The following FBXO42 variants were observed in gnomAD, a reference collection of about 807,000 sequenced individuals.
The protein encoded by FBXO42 is F-box protein 42.
A neutral mutation model predicts 71.7 loss-of-function variants in FBXO42; 12 were observed. The ratio of observed to expected loss-of-function variants is 0.17; its 90% CI spans 0.11 to 0.27. The LOEUF (loss-of-function observed/expected upper bound fraction) is 0.27. FBXO42 is among the 10% of genes least tolerant of loss of function. FBXO42 has a pLI of 1.00. For synonymous variants in FBXO42, 325 were observed against 327.5 expected (o/e 0.99, Z 0.08); for missense variants, 707 against 911.9 (o/e 0.78, Z 2.89).
At chr1:16,277,638 T>C (rs1452645963) in intron 4 of FBXO42, among the ~76,000 whole-genome samples, 3 of 151,676 alleles carry the variant, frequency 2.0e-5, no homozygotes, top group South Asian at 2.1e-4. Context: ...GGCAGAAGAA[T>C]TGCTTGAATC....
At chr1:16,291,883 G>T (rs2082083214) in intron 4 of FBXO42, among the ~76,000 whole-genome samples, 1 of 152,134 alleles carries the variant, frequency 6.6e-6, no homozygotes, top group Non-Finnish European at 1.5e-5. Context: ...TGTTACCCAG[G>T]CTGGTCTCAA....
chr1:16,348,669 C>T (rs764976183), intron 1 of FBXO42, among the ~76,000 whole-genome samples: 1 of 151,948 alleles, frequency 6.6e-6, no homozygotes, highest in Admixed American at 6.6e-5. Context: ...CCACTGCACT[C>T]CAGCCTAGGC....
chr1:16,249,893 T>C lies in FBXO42; in HGVS notation c.*777A>G, dbSNP rs1413410232. The C allele has an allele frequency of 6.6e-6, 1 of 152,230 alleles. No individual in the cohort carries two copies. The highest frequency in any genetic ancestry group is 1.5e-5 in the Non-Finnish European group (1 of 68,050). The allele number at this position is 152,230 out of a possible 1,614,324, so 9.4% of individuals were successfully genotyped here. ...AAGGGAAGAAAGAGGAGAATAAATA[T>C]GTTTTTTGGCAACTTGCCACCAAAT... is the stretch of plus-strand genomic sequence containing the variant. On this transcript the variant is annotated 3_prime_UTR_variant, in exon 10 of 10. Transcript: ENST00000375592.
intron 1 of FBXO42, among the ~76,000 whole-genome samples, chr1:16,326,038 G>GTGTGTGTGTGTGTGTGTGTC (rs1441951943): frequency 8.2e-5 from 12 of 146,912 alleles, no homozygotes; most frequent in South Asian, 2.1e-4. Flanking sequence ...GTGTGTGTGT[G>GTGTGTGTGTGTGTGTGTGTC]TGTGTGTGTG....
chr1:16,296,448 G>A (rs1057210305), intron 3 of FBXO42, among the ~76,000 whole-genome samples: 4 of 151,720 alleles, frequency 2.6e-5, no homozygotes, highest in African/African-American at 7.3e-5. Context: ...TCAGGAGTTC[G>A]AGACCAGCCT....
intron 3 of FBXO42, among the ~76,000 whole-genome samples, chr1:16,302,434 C>T (rs750564873): frequency 3.3e-5 from 5 of 152,188 alleles, no homozygotes; most frequent in African/African-American, 1.2e-4. Context: ...AGGAAACTTA[C>T]ATTTATGGTA....
At chr1:16,261,062 T>C (rs1282442548) in intron 4 of FBXO42, among the ~76,000 whole-genome samples, 1 of 152,236 alleles carries the variant, frequency 6.6e-6, no homozygotes, top group African/African-American at 2.4e-5. Flanking sequence ...TACAGATACA[T>C]TCCTTCTGAA....
At chr1:16,256,860 G>C in intron 4 of FBXO42, 101 bp from the exon 5 acceptor site, 1 of 1,254,814 alleles carries the variant, frequency 8.0e-7, no homozygotes, top group Non-Finnish European at 1.1e-6. Flanking sequence ...GCAACAAAAG[G>C]GGAACTAATA....
At chr1:16,307,385 T>C (rs1345810080) in intron 2 of FBXO42, among the ~76,000 whole-genome samples, 2 of 152,012 alleles carry the variant, frequency 1.3e-5, no homozygotes, top group Admixed American at 6.6e-5. Context: ...CTTGTAGTCC[T>C]AGCTACTTGG....
At chr1:16,346,813 G>A (rs2082658271) in intron 1 of FBXO42, among the ~76,000 whole-genome samples, 1 of 149,218 alleles carries the variant, frequency 6.7e-6, no homozygotes, top group Non-Finnish European at 1.5e-5. Context: ...GGAGGGCAGT[G>A]GAGGGACATC....
At chr1:16,271,856 A>C (rs1210974017) in intron 4 of FBXO42, among the ~76,000 whole-genome samples, 1 of 151,540 alleles carries the variant, frequency 6.6e-6, no homozygotes, top group African/African-American at 2.4e-5. Context: ...AGTCCTCTGT[A>C]GGCTGGGCGC....
intron 4 of FBXO42, among the ~76,000 whole-genome samples, chr1:16,287,308 C>T (rs192692486): frequency 1.4e-4 from 22 of 151,738 alleles, no homozygotes; most frequent in African/African-American, 3.4e-4. Context: ...GTTCTAATGT[C>T]GCCTTCTCTC....
chr1:16,271,773 A>G (rs2081848430), intron 4 of FBXO42, among the ~76,000 whole-genome samples: 1 of 151,920 alleles, frequency 6.6e-6, no homozygotes, highest in African/African-American at 2.4e-5. Context: ...TAGATGGAGA[A>G]CCTCTTAGGA....
chr1:16,306,161 A>G (rs1413841784), intron 2 of FBXO42, among the ~76,000 whole-genome samples: 1 of 151,942 alleles, frequency 6.6e-6, no homozygotes, highest in Non-Finnish European at 1.5e-5. Flanking sequence ...AGCTGGGATT[A>G]CAGGTACCTG....
In FBXO42 at chr1:16,250,500, A is replaced by AT. The variant is rs903992265; in HGVS notation, c.*169dup. On this transcript the variant is annotated 3_prime_UTR_variant, in exon 10 of 10. Coordinates refer to ENST00000375592, the MANE Select transcript of FBXO42 (RefSeq NM_018994.3). This position sits in a 1 kb window ranked among gnomAD's most constrained non-coding sequence, Gnocchi z 4.7. ...ATATATATATATATATTTATATATA[A>AT]TTTTTTTTCTTAATGGAGATTTGAT... 1.7e-5 allele frequency: 4 copies of AT among 239,510 alleles called. No homozygotes were observed. The highest frequency in any genetic ancestry group is 1.9e-4 in the East Asian group (2 of 10,728). 14.8% of individuals were successfully genotyped at this position (239,510 alleles called of 1,614,324 possible).
intron 7 of FBXO42, 96 bp from the exon 8 acceptor site, chr1:16,253,248 C>G: frequency 9.7e-7 from 1 of 1,026,418 alleles, no homozygotes; most frequent in South Asian, 1.5e-5. Context: ...ACCTAGCTCC[C>G]AAATGGGAAT....
chr1:16,331,327 G>A (rs949019127), intron 1 of FBXO42, among the ~76,000 whole-genome samples: 1 of 151,542 alleles, frequency 6.6e-6, no homozygotes, highest in Non-Finnish European at 1.5e-5. Flanking sequence ...GCAGGAGAAT[G>A]GCGTGAACCC....
At chr1:16,324,566 C>T (rs960427002) in intron 1 of FBXO42, among the ~76,000 whole-genome samples, 10 of 152,160 alleles carry the variant, frequency 6.6e-5, no homozygotes, top group African/African-American at 2.4e-4. Context: ...GCCTGTAATC[C>T]AAGCACTTTG....
intron 4 of FBXO42, 37 bp downstream of exon 4, chr1:16,294,746 C>G (rs751709879): frequency 3.7e-6 from 6 of 1,606,234 alleles, no homozygotes; most frequent in South Asian, 2.2e-5. Context: ...AGGGAGTCAC[C>G]TGGTAAGGAG....
Sources: gnomAD v4.1 joint callset for allele counts (sites outside exome capture counted in the v4.1 genomes callset) on GRCh38, gnomAD v4.1.1 for gene constraint, Gnocchi (gnomAD v3.1) non-coding constraint, MANE v1.5 for transcripts, NCBI Gene and HGNC (gene_info 2026-07-23, HGNC 2026-07-21) for gene names.